RFWD3: variants seen among roughly 807,000 people sequenced by gnomAD.
RFWD3 encodes E3 ubiquitin-protein ligase RFWD3.
Under a neutral mutation model 87.7 loss-of-function variants are expected in RFWD3, and 65 were observed. The observed-to-expected ratio is 0.74, with a 90% CI of 0.61 to 0.91. RFWD3 has a LOEUF of 0.91. RFWD3 is among the 40% of genes least tolerant of loss of function. The pLI, the probability that RFWD3 is intolerant of heterozygous loss-of-function variation, is 0.00. For missense variants in RFWD3, 1,078 were observed against 938.5 expected, an observed-to-expected ratio of 1.15 and a Z score of -1.94; for synonymous variants, 433 against 352.8, an observed-to-expected ratio of 1.23 and a Z score of -2.55.
chr16:74,642,153 T>C (rs1199401707), intron 6 of RFWD3, among the ~76,000 whole-genome samples: 1 of 152,018 alleles, frequency 6.6e-6, no homozygotes, highest in East Asian at 1.9e-4. Flanking sequence ...CACAGAGTCT[T>C]GCTCTGTTGC....
At chr16:74,642,338 G>A (rs1350162113) in intron 6 of RFWD3, among the ~76,000 whole-genome samples, 2 of 151,924 alleles carry the variant, frequency 1.3e-5, no homozygotes, top group Non-Finnish European at 2.9e-5. Flanking sequence ...TGCTCAGGCT[G>A]GTCTCAAACT....
rs963117071 is a variant in RFWD3, at chr16:74,628,307, C to A, written c.1969+145G>T. 2.1e-5 allele frequency: 15 copies of A among 705,456 alleles called. No homozygotes were observed. In the African/African-American group the frequency reaches 2.1e-4, roughly 10 times the overall value. The allele number at this position is 705,456 out of a possible 1,614,324, so 43.7% of individuals were successfully genotyped here. ...TGTGGGGGAGCTTGGAGCCACCATACTCCCTGTAGTAGCAAGAGCTACAAC... is the reference window on the plus strand; with the variant it reads ...TGTGGGGGAGCTTGGAGCCACCATAATCCCTGTAGTAGCAAGAGCTACAAC... On this transcript the variant is annotated intron_variant, in intron 11 of 12. Coordinates refer to ENST00000361070, the MANE Select transcript of RFWD3 (RefSeq NM_018124.4).
At chr16:74,629,451 C>T (rs968983192) in intron 10 of RFWD3, among the ~76,000 whole-genome samples, 17 of 152,220 alleles carry the variant, frequency 1.1e-4, no homozygotes, top group Admixed American at 6.5e-4. Flanking sequence ...TTGAGGTCAC[C>T]GGTTTGAGAC....
chr16:74,631,305 G>A (rs530059812), intron 9 of RFWD3, among the ~76,000 whole-genome samples: 86 of 152,124 alleles, frequency 5.7e-4, no homozygotes, highest in African/African-American at 2.0e-3. Context: ...CCAACATGGC[G>A]AAACTAAAAT....
intron 8 of RFWD3, among the ~76,000 whole-genome samples, chr16:74,634,613 T>C (rs1226858028): frequency 6.6e-6 from 1 of 152,144 alleles, no homozygotes; most frequent in East Asian, 1.9e-4. Flanking sequence ...GGTCTCATAC[T>C]CCTGGGCCCA....
Position 74,630,969 on chromosome 16 carries a change from CAA to C in RFWD3, c.1578-14_1578-13del. ...TATTTGTCTCCAGGCTGTGGAGTTA[CAA>C]AAGACTTTTACAACTGCATTAAGAA... On this transcript the variant is annotated splice_polypyrimidine_tract_variant and intron_variant, in intron 9 of 12. Transcript: ENST00000361070. The C allele has an allele frequency of 6.3e-7, 1 of 1,592,268 alleles. No individual in the cohort carries two copies. Among genetic ancestry groups the C allele is most frequent in the Non-Finnish European group, 8.5e-7 (1 of 1,173,626 alleles).
intron 4 of RFWD3, among the ~76,000 whole-genome samples, chr16:74,645,362 T>C (rs754964715): frequency 2.6e-5 from 4 of 152,246 alleles, no homozygotes; most frequent in Non-Finnish European, 5.9e-5. Context: ...GGATATATAG[T>C]CATGCATTGC....
intron 2 of RFWD3, among the ~76,000 whole-genome samples, chr16:74,654,511 C>T (rs1960818240): frequency 6.6e-6 from 1 of 152,236 alleles, no homozygotes; most frequent in Middle Eastern, 3.4e-3. Context: ...CCCTCCCTCT[C>T]CTTGGGATTC....
intron 4 of RFWD3, among the ~76,000 whole-genome samples, chr16:74,646,073 T>G (rs188344004): frequency 1.5e-4 from 23 of 152,108 alleles, no homozygotes; most frequent in Admixed American, 1.4e-3. Context: ...CTAAGATAAT[T>G]ATATAAGATT....
At chr16:74,626,262 T>TA (rs1460220453) in intron 12 of RFWD3, 81 bp downstream of exon 12, 34 of 1,287,148 alleles carry the variant, frequency 2.6e-5, no homozygotes, top group Admixed American at 5.3e-5. Flanking sequence ...TGAGCTTCTG[T>TA]AAAAAAAGTT....
rs369856889 is a variant in RFWD3 at position 74,651,994 on chromosome 16, G to A, written c.647C>T (p.Ser216Phe). Reference protein sequence around the residue: ...EELQVSSSSDSDSDSSAEYGG... With the variant: ...EELQVSSSSDFDSDSSAEYGG... ...ATACTCTGCAGAGCTGTCACTGTCA[G>A]AATCAGAACTACTAGACACCTGCAA... is the stretch of plus-strand genomic sequence containing the variant. The change falls in exon 3 of 13, where the codon TCT becomes TTT. Residue 216 changes from serine to phenylalanine, a missense_variant. Ser to Phe is a radical substitution (Grantham distance 155, BLOSUM62 -2). Coordinates refer to ENST00000361070, the MANE Select transcript of RFWD3 (RefSeq NM_018124.4). 6.2e-7 allele frequency: 1 copy of A among 1,614,090 alleles called. No individual in the cohort carries two copies. Among genetic ancestry groups the A allele is most frequent in the Non-Finnish European group, 8.5e-7 (1 of 1,180,000 alleles).
chr16:74,632,504 A>G lies in RFWD3; in HGVS notation c.1577+19T>C, dbSNP rs1248707618. ...ACACCAAAGAGCCCAGTCTCCACCT[A>G]CTTCCCCAAATCACTCACCTGGTCA... On this transcript the variant is annotated intron_variant, in intron 9 of 12. Transcript: ENST00000361070. The G allele has an allele frequency of 1.9e-6, 3 of 1,613,128 alleles. No homozygotes were observed. The highest frequency in any genetic ancestry group is 2.7e-5 in the African/African-American group (2 of 74,896).
chr16:74,657,886 T>C (rs778670817), intron 2 of RFWD3, among the ~76,000 whole-genome samples: 8 of 152,294 alleles, frequency 5.3e-5, no homozygotes, highest in Non-Finnish European at 8.8e-5. Flanking sequence ...AAGCATTTCA[T>C]AAGAAGATTT....
In RFWD3 at chr16:74,649,158, C is replaced by T. The variant is rs775176306; in HGVS notation, c.766G>A (p.Asp256Asn). The change falls in exon 4 of 13, where the codon GAT becomes AAT. Residue 256 changes from aspartate (D) to asparagine (N), a missense_variant. Coordinates refer to ENST00000361070, the MANE Select transcript of RFWD3 (RefSeq NM_018124.4). Reference sequence around the variant, plus strand: ...TGTTTGGGGAGGGTCTTGCCTCCATCGATACATGTAACTTCTTGCTCTGCT... The same window carrying T: ...TGTTTGGGGAGGGTCTTGCCTCCATTGATACATGTAACTTCTTGCTCTGCT... ...VSAEQEVTCI[D>N]GGKTLPKQPS... 6.4e-7 allele frequency: 1 copy of T among 1,571,306 alleles called. No individual in the cohort carries two copies. Among genetic ancestry groups the T allele is most frequent in the Non-Finnish European group, 8.6e-7 (1 of 1,166,154 alleles).
chr16:74,639,155 A>G (rs904206880), intron 6 of RFWD3, among the ~76,000 whole-genome samples: 1 of 150,754 alleles, frequency 6.6e-6, no homozygotes, highest in Non-Finnish European at 1.5e-5. Context: ...TTCTTGCCTC[A>G]GCCTCCCAAG....
Position 74,637,845 on chromosome 16 carries a change from G to A in RFWD3, c.1194+11C>T. 6.3e-7 allele frequency: 1 copy of A among 1,599,436 alleles called. No homozygotes were observed. The highest frequency in any genetic ancestry group is 8.6e-7 in the Non-Finnish European group (1 of 1,168,470). On this transcript the variant is annotated intron_variant, in intron 7 of 12. Coordinates refer to ENST00000361070, the MANE Select transcript of RFWD3 (RefSeq NM_018124.4). ...TCCAAAAGTTCTTTGGATTAGAAAG[G>A]ACAAACGTACCTGAACACGCCTTTG...
Position 74,666,266 on chromosome 16 carries a change from TG to T in RFWD3, c.-3+519del, listed in dbSNP as rs574222048. 19 of 152,362 alleles carry T rather than the reference TG, an allele frequency of 1.2e-4. No homozygotes were observed. The East Asian group carries it at 3.7e-3, about 29-fold the overall frequency. The allele number at this position is 152,362 out of a possible 1,614,324, so 9.4% of individuals were successfully genotyped here. A position where few individuals can be genotyped will look rare whatever the true frequency, so the allele number is the denominator to read the frequency against. ...ATTAAATCCCTGTTCTTTTACTACATGGGGAAACTTTGGGCGGGTTTCCTAA... is the reference window on the plus strand; with the variant it reads ...ATTAAATCCCTGTTCTTTTACTACATGGGAAACTTTGGGCGGGTTTCCTAA... On this transcript the variant is annotated intron_variant, in intron 1 of 12. Coordinates refer to ENST00000361070, the MANE Select transcript of RFWD3 (RefSeq NM_018124.4).
chr16:74,652,099 T>C lies in RFWD3; in HGVS notation c.542A>G (p.Tyr181Cys). The C allele has an allele frequency of 6.2e-7, 1 of 1,614,062 alleles. No individual in the cohort carries two copies. The highest frequency in any genetic ancestry group is 8.5e-7 in the Non-Finnish European group (1 of 1,180,008). The change falls in exon 3 of 13, where the codon TAC (tyrosine) becomes TGC (cysteine). Residue 181 changes from tyrosine (Y) to cysteine (C), a missense_variant. Physicochemically the swap from Tyr to Cys is radical, Grantham distance 194. Coordinates refer to ENST00000361070, the MANE Select transcript of RFWD3 (RefSeq NM_018124.4). ...AGGCTGGGTCCTGCTCACCTGAAAG[T>C]AAGCATCCAATGGTGCTCTCAACCT... is the stretch of plus-strand genomic sequence containing the variant. ...SARLRAPLDAYFQVSRTQPDL... is the reference protein window; with the variant it reads ...SARLRAPLDACFQVSRTQPDL...
At chr16:74,639,705 G>A (rs911925064) in intron 6 of RFWD3, among the ~76,000 whole-genome samples, 8 of 152,090 alleles carry the variant, frequency 5.3e-5, no homozygotes, top group African/African-American at 1.9e-4. Flanking sequence ...GAAGAACAAT[G>A]CCAAAAATAG....
Sources: gnomAD v4.1 joint callset for allele counts (sites outside exome capture counted in the v4.1 genomes callset) on GRCh38, gnomAD v4.1.1 for gene constraint, MANE v1.5 for transcripts, NCBI Gene and HGNC (gene_info 2026-07-23, HGNC 2026-07-21) for gene names.